TOX2: variants seen among roughly 807,000 people sequenced by gnomAD.
TOX2 encodes the protein granulosa cell HMG box 1.
A neutral mutation model predicts 47.4 loss-of-function variants in TOX2; 15 were observed. The ratio of observed to expected loss-of-function variants is 0.32; its 90% confidence interval spans 0.21 to 0.49. The LOEUF is 0.49. TOX2 is among the 20% of genes least tolerant of loss of function. The probability of loss-of-function intolerance (pLI) is 0.99; values close to 1 mark genes in which losing one functional copy is unlikely to be tolerated. For synonymous variants in TOX2, 290 were observed against 296.6 expected, an observed-to-expected ratio of 0.98 and a Z score of 0.23; for missense variants, 622 against 673.1, an observed-to-expected ratio of 0.92 and a Z score of 0.84.
At chr20:43,983,684 G>GTT (rs34666198) in intron 2 of TOX2, among the ~76,000 whole-genome samples, 1 of 151,996 alleles carries the variant, frequency 6.6e-6, no homozygotes, top group Non-Finnish European at 1.5e-5. Flanking sequence ...TAGATGGTCT[G>GTT]TTTTTTCCAG....
intron 1 of TOX2, among the ~76,000 whole-genome samples, chr20:43,961,818 C>A (rs570396926): frequency 6.6e-6 from 1 of 152,116 alleles, no homozygotes; most frequent in Admixed American, 6.5e-5. Context: ...ACATTGGCAT[C>A]CCCCACAGCA....
rs369233710 is a variant in TOX2, at chr20:44,065,697, T to C, written c.961-15T>C. 20 of 1,561,502 alleles carry C rather than the reference T, an allele frequency of 1.3e-5. No individual in the cohort carries two copies. In the African/African-American group the frequency reaches 1.8e-4, roughly 14 times the overall value. On this transcript the variant is annotated splice_polypyrimidine_tract_variant and intron_variant, in intron 6 of 8. Coordinates refer to ENST00000341197, the MANE Select transcript of TOX2 (RefSeq NM_001098797.2). ...CTCTTCTGTTCTCCAGTGACTGATATCTGTCTCCTTCCAGAGCTCCCCAGA... is the reference window on the plus strand; with the variant it reads ...CTCTTCTGTTCTCCAGTGACTGATACCTGTCTCCTTCCAGAGCTCCCCAGA...
chr20:44,067,779 A>C (rs2145807850), intron 8 of TOX2, among the ~76,000 whole-genome samples: 2 of 152,178 alleles, frequency 1.3e-5, no homozygotes, highest in African/African-American at 4.8e-5. Flanking sequence ...GTGAGGAGGG[A>C]CACTTGCTCC....
chr20:44,032,332 G>T (rs2071169246), intron 3 of TOX2, among the ~76,000 whole-genome samples: 1 of 152,192 alleles, frequency 6.6e-6, no homozygotes, highest in Non-Finnish European at 1.5e-5. Context: ...GCAGGATGTT[G>T]GCCAGCTTCT....
intron 1 of TOX2, among the ~76,000 whole-genome samples, chr20:43,923,350 C>T (rs62206196): frequency 0.16 from 24,787 of 152,090 alleles, 2,177 homozygotes; most frequent in South Asian, 0.25. Context: ...TAATGACTTG[C>T]ATTTGATTTC....
chr20:43,925,038 C>T (rs368218482), intron 1 of TOX2, among the ~76,000 whole-genome samples: 2 of 152,204 alleles, frequency 1.3e-5, no homozygotes, highest in African/African-American at 4.8e-5. Flanking sequence ...TGATTGATCT[C>T]ATATCATCGT....
intron 2 of TOX2, among the ~76,000 whole-genome samples, chr20:43,986,877 G>T (rs1305515139): frequency 1.3e-5 from 2 of 152,096 alleles, no homozygotes; most frequent in Admixed American, 6.6e-5. Context: ...ACCAGCCTGA[G>T]CAATTTAGTG....
Position 43,916,264 on chromosome 20 carries a change from G to T in TOX2, c.99+1274G>T, listed in dbSNP as rs2069053959. Reference sequence around the variant, plus strand: ...CCCCCCAGGGTCTCTCCCCAACCTCGCAGGCTTTTCGTCAGGCCCCTGGTA... The same window carrying T: ...CCCCCCAGGGTCTCTCCCCAACCTCTCAGGCTTTTCGTCAGGCCCCTGGTA... On this transcript the variant is annotated intron_variant, in intron 1 of 8. Coordinates refer to ENST00000341197, the MANE Select transcript of TOX2 (RefSeq NM_001098797.2). The surrounding 1 kb of genome is among the most constrained non-coding windows in gnomAD (Gnocchi z 5.0). 1 of 979,498 alleles carries T rather than the reference G, an allele frequency of 1.0e-6. No individual in the cohort carries two copies. Among genetic ancestry groups the T allele is most frequent in the Non-Finnish European group, 1.2e-6 (1 of 824,482 alleles). The allele number at this position is 979,498 out of a possible 1,614,324, so 60.7% of individuals were successfully genotyped here.
Position 43,915,505 on chromosome 20 carries a change from A to G in TOX2, c.99+515A>G, listed in dbSNP as rs1283317220. 2.0e-5 allele frequency among the ~76,000 whole-genome samples: 3 copies of G among 151,624 alleles called. No individual in the cohort carries two copies. The highest frequency in any genetic ancestry group is 4.4e-5 in the Non-Finnish European group (3 of 67,894). On this transcript the variant is annotated intron_variant, in intron 1 of 8. Transcript: ENST00000341197. This position sits in a 1 kb window ranked among gnomAD's most constrained non-coding sequence, Gnocchi z 7.1. ...CACAAAGAAGTCGCCCGACAGTCACACTCTCGCAGCCACAACGCCTCACCC... is the reference window on the plus strand; with the variant it reads ...CACAAAGAAGTCGCCCGACAGTCACGCTCTCGCAGCCACAACGCCTCACCC...
At chr20:43,967,221 T>C (rs1256521766) in intron 1 of TOX2, among the ~76,000 whole-genome samples, 3 of 152,106 alleles carry the variant, frequency 2.0e-5, no homozygotes, top group Non-Finnish European at 2.9e-5. Context: ...CATGTACATG[T>C]TATGAGTTCA....
intron 3 of TOX2, among the ~76,000 whole-genome samples, chr20:44,047,941 G>A (rs1038596355): frequency 2.6e-5 from 4 of 152,056 alleles, no homozygotes; most frequent in South Asian, 2.1e-4. Flanking sequence ...ACTTTTGGCC[G>A]GGTGTGGTGG....
intron 7 of TOX2, 44 bp downstream of exon 7, chr20:44,066,151 G>A: frequency 1.3e-6 from 2 of 1,482,858 alleles, no homozygotes; most frequent in Non-Finnish European, 1.8e-6. Context: ...ACCGTGTGGG[G>A]AGGGGAAGCG....
chr20:43,966,915 C>A (rs57265073), intron 1 of TOX2, among the ~76,000 whole-genome samples: 1 of 151,192 alleles, frequency 6.6e-6, no homozygotes, highest in Non-Finnish European at 1.5e-5. Flanking sequence ...GCCCAAATAT[C>A]GCTAGTGATA....
At chr20:44,011,653 C>T (rs2070779724) in intron 3 of TOX2, among the ~76,000 whole-genome samples, 1 of 152,220 alleles carries the variant, frequency 6.6e-6, no homozygotes. Flanking sequence ...GGCTGCAGGG[C>T]CACAGGTGGC....
intron 5 of TOX2, 42 bp from the exon 6 acceptor site, chr20:44,064,735 G>GTAAC (rs764374888): frequency 6.9e-6 from 11 of 1,597,812 alleles, no homozygotes; most frequent in Non-Finnish European, 9.4e-6. Context: ...CATCTCCTCT[G>GTAAC]TAACTTTCTC....
chr20:44,030,967 A>T (rs2071140982), intron 3 of TOX2, among the ~76,000 whole-genome samples: 1 of 152,220 alleles, frequency 6.6e-6, no homozygotes, highest in Non-Finnish European at 1.5e-5. Flanking sequence ...ACCCTCAGTA[A>T]CAACTGGGGA....
intron 5 of TOX2, among the ~76,000 whole-genome samples, chr20:44,060,626 T>C (rs2071699785): frequency 6.6e-6 from 1 of 152,132 alleles, no homozygotes; most frequent in Non-Finnish European, 1.5e-5. Context: ...TGCAAATATA[T>C]GGAAATAGTT....
At chr20:44,009,286 C>T (rs1042998770) in intron 3 of TOX2, among the ~76,000 whole-genome samples, 2 of 152,108 alleles carry the variant, frequency 1.3e-5, no homozygotes, top group Non-Finnish European at 2.9e-5. Flanking sequence ...TTATAAGGCA[C>T]GTCACATTTT....
intron 1 of TOX2, among the ~76,000 whole-genome samples, chr20:43,961,918 A>T (rs2069765667): frequency 6.6e-6 from 1 of 151,978 alleles, no homozygotes; most frequent in Non-Finnish European, 1.5e-5. Flanking sequence ...TTACACCTTG[A>T]CCCACTTCCC....
Sources: gnomAD v4.1 joint callset for allele counts (sites outside exome capture counted in the v4.1 genomes callset) on GRCh38, gnomAD v4.1.1 for gene constraint, Gnocchi (gnomAD v3.1) non-coding constraint, MANE v1.5 for transcripts, NCBI Gene and HGNC (gene_info 2026-07-23, HGNC 2026-07-21) for gene names.